Variants in SDK1 observed in about 807,000 individuals in gnomAD.
The protein encoded by SDK1 is protein sidekick-1.
A neutral mutation model predicts 245.5 loss-of-function variants in SDK1; 157 were observed. That is an observed-to-expected ratio of 0.64 (90% CI 0.56 to 0.73). The LOEUF is 0.73. Ranked by LOEUF, SDK1 falls within the 30% of genes least tolerant of loss-of-function variation. SDK1 has a pLI of 0.00. For synonymous variants in SDK1, 1,647 were observed against 1,278.5 expected, an observed-to-expected ratio of 1.29 and a Z score of -6.15; for missense variants, 3,583 against 3,002.3, an observed-to-expected ratio of 1.19 and a Z score of -4.52.
intron 27 of SDK1, 70 bp from the exon 28 acceptor site, chr7:4,132,255 C>T (rs559000172): frequency 1.6e-6 from 2 of 1,250,160 alleles, no homozygotes; most frequent in Admixed American, 1.9e-5. Flanking sequence ...CCCTCGGAAT[C>T]CTGTGTAACC....
chr7:3,800,848 T>G (rs1168606483), intron 4 of SDK1, among the ~76,000 whole-genome samples: 1 of 152,188 alleles, frequency 6.6e-6, no homozygotes, highest in Admixed American at 6.5e-5. Flanking sequence ...TGTGGTGCAT[T>G]GGAAGCCCGG....
intron 1 of SDK1, among the ~76,000 whole-genome samples, chr7:3,330,675 GAA>G (rs1780044959): frequency 6.6e-6 from 1 of 151,974 alleles, no homozygotes; most frequent in Middle Eastern, 3.2e-3. Flanking sequence ...TTTTCTTTAT[GAA>G]TTACCCAGTC....
chr7:4,214,706 A>G (rs1784691091), intron 38 of SDK1, among the ~76,000 whole-genome samples: 1 of 152,198 alleles, frequency 6.6e-6, no homozygotes, highest in Non-Finnish European at 1.5e-5. Context: ...ATTCCTGCAC[A>G]TCAGTCAAGC....
chr7:3,847,759 C>A (rs1478322825), intron 5 of SDK1, among the ~76,000 whole-genome samples: 1 of 152,200 alleles, frequency 6.6e-6, no homozygotes. Flanking sequence ...TGTAAGTAAT[C>A]ACATTTTAAA....
At chr7:3,807,600 CAGAG>C (rs1313806693) in intron 4 of SDK1, among the ~76,000 whole-genome samples, 6 of 152,026 alleles carry the variant, frequency 3.9e-5, no homozygotes, top group Non-Finnish European at 1.5e-5. Flanking sequence ...CAGAGAGAAA[CAGAG>C]AGAGTGGGCC....
intron 1 of SDK1, among the ~76,000 whole-genome samples, chr7:3,350,481 T>G (rs1273617788): frequency 6.6e-6 from 1 of 152,150 alleles, no homozygotes; most frequent in African/African-American, 2.4e-5. Flanking sequence ...CCCAGAAGAG[T>G]TCAGTATTCA....
At chr7:4,157,521 G>A (rs1780840303) in intron 30 of SDK1, among the ~76,000 whole-genome samples, 1 of 145,538 alleles carries the variant, frequency 6.9e-6, no homozygotes, top group Admixed American at 6.9e-5. Flanking sequence ...AAGGAGCGGG[G>A]AGGGAGGGAG....
rs115408819 is a variant in SDK1, at chr7:3,768,243, A to G, written c.714-53207A>G. Among the ~76,000 whole-genome samples the G allele has an allele frequency of 2.2e-3, 330 of 152,296 alleles. 1 individual carries two copies. The highest frequency in any genetic ancestry group is 7.5e-3 in the African/African-American group (310 of 41,564). ...AACCATACTTCTCCTCTACCACCTA[A>G]GTTGCAACAGAAAAACTGTTGCTTT... On this transcript the variant is annotated intron_variant, in intron 4 of 44. Transcript: ENST00000404826.
chr7:3,609,048 C>T (rs1488034640), intron 1 of SDK1, among the ~76,000 whole-genome samples: 2 of 152,062 alleles, frequency 1.3e-5, no homozygotes, highest in Non-Finnish European at 2.9e-5. Flanking sequence ...TTAAACAGTG[C>T]CACTCTTAAG....
At chr7:3,493,287 C>T (rs1434977397) in intron 1 of SDK1, among the ~76,000 whole-genome samples, 1 of 152,176 alleles carries the variant, frequency 6.6e-6, no homozygotes, top group Admixed American at 6.5e-5. Flanking sequence ...TCTGTCCATC[C>T]ATCTCCCTAC....
At chr7:4,058,021 C>T (rs1181617527) in intron 19 of SDK1, among the ~76,000 whole-genome samples, 1 of 151,262 alleles carries the variant, frequency 6.6e-6, no homozygotes, top group Non-Finnish European at 1.5e-5. Context: ...ATAACACTTC[C>T]AAAGGAACAT....
intron 1 of SDK1, among the ~76,000 whole-genome samples, chr7:3,331,369 T>A (rs908784605): frequency 2.0e-5 from 3 of 152,148 alleles, no homozygotes; most frequent in Non-Finnish European, 2.9e-5. Flanking sequence ...TATTTTGTGG[T>A]TTTTACTTGT....
At chr7:4,125,067 G>A (rs573162257) in intron 25 of SDK1, among the ~76,000 whole-genome samples, 2 of 150,532 alleles carry the variant, frequency 1.3e-5, no homozygotes, top group Non-Finnish European at 3.0e-5. Context: ...GGTAATGGGT[G>A]GATGGATGGA....
chr7:4,100,296 C>T (rs1782449819), intron 22 of SDK1, among the ~76,000 whole-genome samples: 1 of 152,110 alleles, frequency 6.6e-6, no homozygotes, highest in Non-Finnish European at 1.5e-5. Flanking sequence ...CCATGGGGGG[C>T]AGACATGGCC....
At chr7:4,250,151 T>C (rs1024661012) in intron 44 of SDK1, among the ~76,000 whole-genome samples, 5 of 152,208 alleles carry the variant, frequency 3.3e-5, no homozygotes, top group African/African-American at 1.2e-4. Flanking sequence ...TACAGTATGA[T>C]GTCTTTTGTG....
At position 3,992,631 on chromosome 7, in the gene SDK1, C is replaced by A. The variant is rs142914413; in HGVS notation, c.2131+5309C>A. ...CTCTAAAATGCTTATCGATTATGAT[C>A]AAAAATGATCTTTCTTTGAGATTAT... On this transcript the variant is annotated intron_variant, in intron 14 of 44. Transcript: ENST00000404826. Among the ~76,000 whole-genome samples, 36 of 152,230 alleles carry A rather than the reference C, an allele frequency of 2.4e-4. 1 individual carries two copies. Among genetic ancestry groups the A allele is most frequent in the East Asian group, 3.9e-4 (2 of 5,176 alleles).
At chr7:3,664,739 CAAAA>C (rs3083410) in intron 4 of SDK1, among the ~76,000 whole-genome samples, 1 of 123,534 alleles carries the variant, frequency 8.1e-6, no homozygotes, top group Non-Finnish European at 1.7e-5. Flanking sequence ...GACTCTGTCT[CAAAA>C]AAAAAAAAAA....
chr7:3,777,666 A>G (rs1011920034), intron 4 of SDK1, among the ~76,000 whole-genome samples: 3 of 152,040 alleles, frequency 2.0e-5, no homozygotes, highest in Non-Finnish European at 4.4e-5. Flanking sequence ...GTATTCACAT[A>G]TTTTCGATTG....
At chr7:4,067,542 T>TCTTTCTCCTTGA (rs1779983381) in intron 19 of SDK1, among the ~76,000 whole-genome samples, 1 of 152,206 alleles carries the variant, frequency 6.6e-6, no homozygotes, top group Non-Finnish European at 1.5e-5. Flanking sequence ...AGCCTGATTG[T>TCTTTCTCCTTGA]TCTAATCAGA....
Sources: gnomAD v4.1 joint callset for allele counts (sites outside exome capture counted in the v4.1 genomes callset) on GRCh38, gnomAD v4.1.1 for gene constraint, MANE v1.5 for transcripts, NCBI Gene and HGNC (gene_info 2026-07-23, HGNC 2026-07-21) for gene names.